RANBP2: variants seen among roughly 807,000 people sequenced by gnomAD.
The protein encoded by RANBP2 is RAN binding protein 2.
In RANBP2, 57 loss-of-function variants were observed where a neutral mutation model predicts 303.6. The ratio of observed to expected loss-of-function variants is 0.19; its 90% confidence interval spans 0.15 to 0.23. RANBP2 has a LOEUF of 0.23. RANBP2 is among the 10% of genes least tolerant of loss of function. The pLI is 1.00. For missense variants in RANBP2, 3,138 were observed against 3,780.8 expected (o/e 0.83, Z 4.46); for synonymous variants, 1,167 against 1,301.5 (o/e 0.90, Z 2.23).
the RANBP2 span, among the ~76,000 whole-genome samples, chr2:109,492,324 C>T: frequency 1.8e-4 from 27 of 152,318 alleles, no homozygotes; most frequent in Admixed American, 9.8e-4. Flanking sequence ...TGATGCCTAG[C>T]GCCAAGCCTA....
the RANBP2 span, among the ~76,000 whole-genome samples, chr2:108,949,586 T>C: frequency 6.6e-6 from 1 of 151,494 alleles, no homozygotes; most frequent in South Asian, 2.1e-4. Context: ...TCATAAAATC[T>C]TTTTTTTTCC....
At chr2:108,965,421 C>T in the RANBP2 span, among the ~76,000 whole-genome samples, 4 of 150,502 alleles carry the variant, frequency 2.7e-5, no homozygotes, top group Non-Finnish European at 5.9e-5. Context: ...GCCGAGGTCA[C>T]GCCACTGCAC....
At chr2:109,068,779 C>G in the RANBP2 span, among the ~76,000 whole-genome samples, 1 of 152,178 alleles carries the variant, frequency 6.6e-6, no homozygotes, top group Admixed American at 6.5e-5. Context: ...AGTTGGAATA[C>G]CATTTGTTTT....
chr2:109,747,743 C>CA, the RANBP2 span, among the ~76,000 whole-genome samples: 808 of 113,840 alleles, frequency 7.1e-3, 18 homozygotes, highest in South Asian at 0.078. Flanking sequence ...AACCCTGTCT[C>CA]AAAAAAAAAA....
At chr2:108,991,324 A>G in the RANBP2 span, among the ~76,000 whole-genome samples, 1 of 152,242 alleles carries the variant, frequency 6.6e-6, no homozygotes, top group Non-Finnish European at 1.5e-5. Flanking sequence ...AGCTTTGAAG[A>G]TATGTGATTT....
At chr2:109,032,547 C>T in the RANBP2 span, among the ~76,000 whole-genome samples, 1 of 152,106 alleles carries the variant, frequency 6.6e-6, no homozygotes, top group Non-Finnish European at 1.5e-5. Context: ...ACTCTCCATT[C>T]TTCATCCCAC....
chr2:109,471,880 A>G, the RANBP2 span, among the ~76,000 whole-genome samples: 1 of 152,130 alleles, frequency 6.6e-6, no homozygotes, highest in South Asian at 2.1e-4. Context: ...ACACAGGGAG[A>G]GCAGATGCCT....
chr2:108,807,453 C>T, the RANBP2 span, among the ~76,000 whole-genome samples: 2 of 152,096 alleles, frequency 1.3e-5, no homozygotes, highest in Non-Finnish European at 2.9e-5. Flanking sequence ...GTAATGATCA[C>T]AGTAATTAGC....
At chr2:109,573,561 A>G in the RANBP2 span, among the ~76,000 whole-genome samples, 20,400 of 152,116 alleles carry the variant, frequency 0.13, 1,840 homozygotes, top group African/African-American at 0.26. Flanking sequence ...CGATGTGCCA[A>G]AGCTTCACTA....
At chr2:109,330,269 T>C in the RANBP2 span, among the ~76,000 whole-genome samples, 2 of 152,162 alleles carry the variant, frequency 1.3e-5, no homozygotes, top group Admixed American at 6.5e-5. Flanking sequence ...TTTTCCTCAA[T>C]TTTGGTGTGC....
At chr2:108,786,129 C>CAA (rs5833303), downstream of RANBP2, among the ~76,000 whole-genome samples, 2,842 of 143,950 alleles carry the variant, frequency 0.02, 73 homozygotes, top group South Asian at 0.095. Flanking sequence ...TTTTTCTTTT[C>CAA]AAAAAAAAAA....
chr2:109,230,067 G>A, the RANBP2 span, among the ~76,000 whole-genome samples: 58 of 151,696 alleles, frequency 3.8e-4, no homozygotes, highest in East Asian at 3.9e-3. Context: ...TTCGTGATCC[G>A]CCCGCCTCAG....
chr2:108,745,902 T>TG (rs70956275), intron 7 of RANBP2, among the ~76,000 whole-genome samples: 2 of 64,680 alleles, frequency 3.1e-5, no homozygotes, highest in South Asian at 5.2e-4. Context: ...CTGTGTATGC[T>TG]TTTTTTTTTT....
chr2:109,135,497 A>G, the RANBP2 span, among the ~76,000 whole-genome samples: 1 of 152,230 alleles, frequency 6.6e-6, no homozygotes, highest in African/African-American at 2.4e-5. Context: ...AGTGCCTGGC[A>G]CACGTGATTG....
chr2:109,403,536 G>A, the RANBP2 span, among the ~76,000 whole-genome samples: 1 of 152,224 alleles, frequency 6.6e-6, no homozygotes, highest in African/African-American at 2.4e-5. Flanking sequence ...TAACTTTCCA[G>A]TTTACTCCAT....
chr2:109,288,815 C>CTTTTTTTTTTTTTTTTTT, the RANBP2 span, among the ~76,000 whole-genome samples: 24 of 152,088 alleles, frequency 1.6e-4, no homozygotes, highest in African/African-American at 5.8e-4. Flanking sequence ...AAATCACTTT[C>CTTTTTTTTTTTTTTTTTT]TTATTTAGTA....
the RANBP2 span, among the ~76,000 whole-genome samples, chr2:109,064,039 C>T: frequency 2.0e-5 from 3 of 152,148 alleles, no homozygotes; most frequent in Non-Finnish European, 2.9e-5. Context: ...TGAGCTTACA[C>T]GAGAAGAGAT....
chr2:109,208,845 A>G, the RANBP2 span, among the ~76,000 whole-genome samples: 2 of 152,208 alleles, frequency 1.3e-5, no homozygotes, highest in East Asian at 1.9e-4. Flanking sequence ...GGAAAAGGCA[A>G]ATTCAGGTTC....
the RANBP2 span, among the ~76,000 whole-genome samples, chr2:109,344,711 G>A: frequency 9.9e-5 from 15 of 152,278 alleles, no homozygotes; most frequent in African/African-American, 3.6e-4. Flanking sequence ...AAGCTCAGAA[G>A]TGGAGTTGGC....
Sources: allele counts gnomAD v4.1 joint callset (sites outside exome capture counted in the v4.1 genomes callset), GRCh38; gene constraint gnomAD v4.1.1; transcripts MANE v1.5; gene names NCBI Gene and HGNC (gene_info 2026-07-23, HGNC 2026-07-21).